Variants in KSR2 observed in about 807,000 individuals in gnomAD.
KSR2 encodes kinase suppressor of ras 2.
In KSR2, 25 loss-of-function variants were observed where a neutral mutation model predicts 107.8. The ratio of observed to expected loss-of-function variants is 0.23; its 90% confidence interval spans 0.17 to 0.32. The LOEUF (loss-of-function observed/expected upper bound fraction) is 0.32. KSR2 is among the 10% of genes least tolerant of loss of function. KSR2 has a pLI of 1.00. For synonymous variants in KSR2, 480 were observed against 507.0 expected, an observed-to-expected ratio of 0.95 and a Z score of 0.71; for missense variants, 887 against 1,268.9, an observed-to-expected ratio of 0.70 and a Z score of 4.57.
rs1870589109 is a variant in KSR2 at position 117,455,789 on chromosome 12, T to C, written c.*11410A>G. 6.6e-6 allele frequency: 1 copy of C among 152,222 alleles called. No homozygotes were observed. The highest frequency in any genetic ancestry group is 6.5e-5 in the Admixed American group (1 of 15,276). The allele number at this position is 152,222 out of a possible 1,614,324, so 9.4% of individuals were successfully genotyped here. A position where few individuals can be genotyped will look rare whatever the true frequency, so the allele number is the denominator to read the frequency against. On this transcript the variant is annotated 3_prime_UTR_variant, in exon 20 of 20. Coordinates refer to ENST00000339824, the MANE Select transcript of KSR2 (RefSeq NM_173598.6). ...TTAGAATCCTTCGGCTGCTCAACTG[T>C]AGGCATTTGAAATCCACCAATGTAC...
At chr12:117,824,572 T>G (rs1419027442) in intron 3 of KSR2, among the ~76,000 whole-genome samples, 1 of 152,050 alleles carries the variant, frequency 6.6e-6, no homozygotes. Flanking sequence ...TAAAAAAATT[T>G]TAGGCCGGGC....
intron 14 of KSR2, among the ~76,000 whole-genome samples, chr12:117,493,359 G>C (rs1027197379): frequency 6.6e-6 from 1 of 152,108 alleles, no homozygotes; most frequent in Non-Finnish European, 1.5e-5. Context: ...TGGATAGAGA[G>C]TCTCCCAGTG....
chr12:117,640,801 T>C (rs1420271164), intron 5 of KSR2, among the ~76,000 whole-genome samples: 1 of 152,136 alleles, frequency 6.6e-6, no homozygotes, highest in Non-Finnish European at 1.5e-5. Context: ...TTATGGTCAC[T>C]GGGGGGCCAT....
intron 2 of KSR2, among the ~76,000 whole-genome samples, chr12:117,858,426 T>C (rs1406011338): frequency 6.6e-6 from 1 of 151,432 alleles, no homozygotes; most frequent in African/African-American, 2.4e-5. Flanking sequence ...AGATTGCGCG[T>C]GGTCTGATGT....
chr12:117,481,396 T>C (rs74617941), intron 16 of KSR2, among the ~76,000 whole-genome samples: 2,564 of 152,164 alleles, frequency 0.017, 58 homozygotes, highest in African/African-American at 0.057. Flanking sequence ...TCCAATAAGA[T>C]TGGTGTTCTT....
At chr12:117,635,756 T>C (rs1883036822) in intron 5 of KSR2, among the ~76,000 whole-genome samples, 1 of 151,936 alleles carries the variant, frequency 6.6e-6, no homozygotes, top group African/African-American at 2.4e-5. Context: ...ATAACCACAA[T>C]ACATCTGTCA....
chr12:117,711,268 T>C (rs1438427653), intron 4 of KSR2, among the ~76,000 whole-genome samples: 1 of 151,978 alleles, frequency 6.6e-6, no homozygotes, highest in Non-Finnish European at 1.5e-5. Flanking sequence ...GACAGGGTGG[T>C]CAGGATGGGC....
At chr12:117,516,730 C>A (rs1108564) in intron 14 of KSR2, among the ~76,000 whole-genome samples, 8 of 151,790 alleles carry the variant, frequency 5.3e-5, no homozygotes, top group South Asian at 2.1e-4. Context: ...GCAATAGACC[C>A]AAATGCCAAA....
chr12:117,491,788 A>G (rs1209559762), intron 14 of KSR2, among the ~76,000 whole-genome samples: 1 of 152,192 alleles, frequency 6.6e-6, no homozygotes, highest in Non-Finnish European at 1.5e-5. Flanking sequence ...AATGCAGGCC[A>G]CCTGGATCTG....
At chr12:117,830,387 A>G (rs890607855) in intron 3 of KSR2, among the ~76,000 whole-genome samples, 1 of 152,176 alleles carries the variant, frequency 6.6e-6, no homozygotes. Flanking sequence ...CTGAAAAACA[A>G]ACTATTAAGC....
At chr12:117,956,422 G>A in intron 1 of KSR2, among the ~76,000 whole-genome samples, 1 of 149,216 alleles carries the variant, frequency 6.7e-6, no homozygotes, top group Non-Finnish European at 1.5e-5. Context: ...TTAAAAATTA[G>A]CCAGGTGTGG....
At chr12:117,487,438 C>T (rs1364431314) in intron 14 of KSR2, among the ~76,000 whole-genome samples, 1 of 152,164 alleles carries the variant, frequency 6.6e-6, no homozygotes, top group Non-Finnish European at 1.5e-5. Flanking sequence ...AGGAGGCAGC[C>T]CAGAATGAGT....
At chr12:117,527,188 G>A (rs1255052185) in intron 12 of KSR2, 69 bp from the exon 13 acceptor site, 1 of 1,151,396 alleles carries the variant, frequency 8.7e-7, no homozygotes, top group African/African-American at 1.5e-5. Flanking sequence ...GTTTAGCTAT[G>A]TACGAAGAAT....
chr12:117,932,434 G>A (rs1229182390), intron 1 of KSR2, among the ~76,000 whole-genome samples: 1 of 152,100 alleles, frequency 6.6e-6, no homozygotes, highest in Non-Finnish European at 1.5e-5. Flanking sequence ...AATAAGAACA[G>A]GCCAGGCACA....
intron 1 of KSR2, among the ~76,000 whole-genome samples, chr12:117,875,248 T>G (rs190562368): frequency 1.3e-5 from 2 of 151,880 alleles, no homozygotes; most frequent in East Asian, 3.9e-4. Context: ...ACTCCGAATC[T>G]AAACCCAAAT....
At chr12:117,859,798 G>A (rs896477036) in intron 2 of KSR2, among the ~76,000 whole-genome samples, 1 of 152,126 alleles carries the variant, frequency 6.6e-6, no homozygotes, top group African/African-American at 2.4e-5. Flanking sequence ...CTATGATGTC[G>A]GCTATTTAAG....
intron 4 of KSR2, among the ~76,000 whole-genome samples, chr12:117,740,924 C>G (rs1888196610): frequency 6.6e-6 from 1 of 152,098 alleles, no homozygotes; most frequent in Admixed American, 6.6e-5. Flanking sequence ...GCCCTCACGG[C>G]AGATCTTCTT....
At chr12:117,906,962 A>G (rs1190129154) in intron 1 of KSR2, among the ~76,000 whole-genome samples, 3 of 151,498 alleles carry the variant, frequency 2.0e-5, no homozygotes, top group Non-Finnish European at 4.4e-5. Flanking sequence ...GGAGGCTGCA[A>G]TGAGCCATGA....
At chr12:117,588,087 T>TA (rs1041446506) in intron 5 of KSR2, among the ~76,000 whole-genome samples, 14 of 152,006 alleles carry the variant, frequency 9.2e-5, no homozygotes, top group Admixed American at 5.9e-4. Flanking sequence ...CAGCCCCTCA[T>TA]AAAAAATCCA....
Sources: allele counts gnomAD v4.1 joint callset (sites outside exome capture counted in the v4.1 genomes callset), GRCh38; gene constraint gnomAD v4.1.1; transcripts MANE v1.5; gene names NCBI Gene and HGNC (gene_info 2026-07-23, HGNC 2026-07-21).